The following UTRN variants were observed in gnomAD, a reference collection of about 807,000 sequenced individuals.
UTRN encodes the protein utrophin.
UTRN carries 283 observed loss-of-function variants against 463.9 expected under a neutral mutation model. That is an observed-to-expected ratio of 0.61 (90% CI 0.55 to 0.67). The LOEUF (loss-of-function observed/expected upper bound fraction) is 0.67. Among genes scored for constraint, UTRN ranks in the 30% least tolerant of loss-of-function variants. The pLI is 0.00. For missense variants in UTRN, 3,922 were observed against 4,084.3 expected (o/e 0.96, Z 1.08); for synonymous variants, 1,442 against 1,431.5 (o/e 1.01, Z -0.17).
intron 51 of UTRN, among the ~76,000 whole-genome samples, chr6:144,611,058 G>T (rs1198069923): frequency 6.6e-6 from 1 of 152,106 alleles, no homozygotes; most frequent in Non-Finnish European, 1.5e-5. Flanking sequence ...CCCAACATAT[G>T]CAAATCAATA....
At chr6:144,635,406 C>T (rs559646619) in intron 51 of UTRN, among the ~76,000 whole-genome samples, 2 of 151,954 alleles carry the variant, frequency 1.3e-5, no homozygotes, top group African/African-American at 4.8e-5. Context: ...CCACCTTGGC[C>T]TCCCAAAGTG....
rs1407560890 is a variant in UTRN, at chr6:144,585,246, A to T, written c.7479+7958A>T. 2.0e-5 allele frequency among the ~76,000 whole-genome samples: 3 copies of T among 152,146 alleles called. No homozygotes were observed. In the East Asian group the frequency reaches 5.8e-4, roughly 29 times the overall value. On this transcript the variant is annotated intron_variant, in intron 51 of 74. Coordinates refer to ENST00000367545, the MANE Select transcript of UTRN (RefSeq NM_007124.3). ...TCTTGATTTATAATTTCCTAAAGAT[A>T]CCATGAAAATTTAAATGTTTAGAAT...
rs1781510639 is a variant in UTRN, at chr6:144,840,846, A to T, written c.10270+14A>T. ...CATCTTGCTGCCGTGAGTATGAAAG[A>T]TTGCAGCACCACAGCTGCACGTGTT... On this transcript the variant is annotated intron_variant, in intron 73 of 74. Transcript: ENST00000367545. 1.9e-6 allele frequency: 3 copies of T among 1,613,512 alleles called. No individual in the cohort carries two copies. The highest frequency in any genetic ancestry group is 2.5e-6 in the Non-Finnish European group (3 of 1,179,866).
chr6:144,827,674 A>C lies in UTRN; in HGVS notation c.9597A>C (p.Thr3199=), dbSNP rs748632764. 4 of 1,613,478 alleles carry C rather than the reference A, an allele frequency of 2.5e-6. No homozygotes were observed. The African/African-American group carries it at 5.3e-5, about 22-fold the overall frequency. ...DTHSRIEQYA[T]RLAQMERTNG... The stretch of plus-strand genomic sequence containing the variant: ...ATTCAAGAATAGAACAATATGCCAC[A>C]CGGTAAGAAACTTTGATCAGAGCCC... Residue 3199 remains threonine (T), a splice_region_variant and synonymous_variant, in exon 68 of 75, where the codon ACA becomes ACC. Transcript: ENST00000367545.
chr6:144,784,975 T>C (rs911406690), intron 61 of UTRN, among the ~76,000 whole-genome samples: 2 of 152,218 alleles, frequency 1.3e-5, no homozygotes, highest in African/African-American at 4.8e-5. Flanking sequence ...GATTAATCTA[T>C]GGAAAAAACA....
chr6:144,827,305 G>A, intron 66 of UTRN, 43 bp from the exon 67 acceptor site: 1 of 1,610,824 alleles, frequency 6.2e-7, no homozygotes, highest in Non-Finnish European at 8.5e-7. Context: ...TTGCTCTAAA[G>A]TGTTTGTTCT....
chr6:144,286,796 A>G lies in UTRN; in HGVS notation c.-93+975A>G, dbSNP rs1198604460. ...CCTCCGAGAGAGCTGTGGGACCAGC[A>G]CTTTATTTTACAAGGAACTGCAGAG... On this transcript the variant is annotated intron_variant, in intron 1 of 74. Coordinates refer to ENST00000367545, the MANE Select transcript of UTRN (RefSeq NM_007124.3). This position sits in a 1 kb window ranked among gnomAD's most constrained non-coding sequence, Gnocchi z 4.4. Among the ~76,000 whole-genome samples the G allele has an allele frequency of 2.0e-5, 3 of 151,430 alleles. No homozygotes were observed. The highest frequency in any genetic ancestry group is 2.9e-5 in the Non-Finnish European group (2 of 67,934).
At chr6:144,365,209 T>C (rs1207288738) in intron 2 of UTRN, among the ~76,000 whole-genome samples, 5 of 152,222 alleles carry the variant, frequency 3.3e-5, no homozygotes, top group Admixed American at 2.0e-4. Context: ...TCATTCCTGC[T>C]TTCTCCTGAA....
intron 58 of UTRN, among the ~76,000 whole-genome samples, chr6:144,761,811 T>C (rs913319647): frequency 1.3e-5 from 2 of 152,154 alleles, no homozygotes; most frequent in Non-Finnish European, 2.9e-5. Flanking sequence ...TTTCCTCAGA[T>C]AAAAGTCAAC....
intron 51 of UTRN, among the ~76,000 whole-genome samples, chr6:144,609,066 T>C (rs542344446): frequency 6.6e-6 from 1 of 152,292 alleles, no homozygotes; most frequent in Admixed American, 6.5e-5. Context: ...GATTAAATTC[T>C]TCAATAAAAT....
intron 9 of UTRN, among the ~76,000 whole-genome samples, chr6:144,434,312 C>G (rs7745167): frequency 4.0e-4 from 51 of 128,400 alleles, no homozygotes; most frequent in East Asian, 2.8e-3. Context: ...AGCTTCGGCT[C>G]GGCATCAGAG....
intron 3 of UTRN, among the ~76,000 whole-genome samples, chr6:144,420,720 A>G (rs1784760968): frequency 1.3e-5 from 2 of 152,206 alleles, no homozygotes; most frequent in Admixed American, 1.3e-4. Context: ...AGAAATACAG[A>G]CTGAACACCT....
rs551473055 is a variant in UTRN, at chr6:144,364,267, C to G, written c.80-38856C>G. ...GAGTCTCCCTCTTGTTGGGTCTGTG[C>G]TATTGGTTTGTTGATTAGGAACTCA... On this transcript the variant is annotated intron_variant, in intron 2 of 74. Coordinates refer to ENST00000367545, the MANE Select transcript of UTRN (RefSeq NM_007124.3). 1.2e-4 allele frequency among the ~76,000 whole-genome samples: 19 copies of G among 152,298 alleles called. 1 individual carries two copies. In the East Asian group the frequency reaches 2.1e-3, roughly 17 times the overall value.
intron 6 of UTRN, among the ~76,000 whole-genome samples, 186 bp downstream of exon 6, chr6:144,424,264 G>A (rs1785101262): frequency 6.6e-6 from 1 of 152,148 alleles, no homozygotes; most frequent in Non-Finnish European, 1.5e-5. Flanking sequence ...TTTTCCTGAG[G>A]GCTCTGAGGG....
chr6:144,424,780 C>A (rs1192945446), intron 6 of UTRN, among the ~76,000 whole-genome samples: 1 of 152,166 alleles, frequency 6.6e-6, no homozygotes, highest in African/African-American at 2.4e-5. Context: ...TTTGTACTCT[C>A]TCTCAGTCTG....
intron 2 of UTRN, among the ~76,000 whole-genome samples, chr6:144,339,948 G>A (rs1777017910): frequency 1.3e-5 from 2 of 152,170 alleles, no homozygotes; most frequent in Non-Finnish European, 2.9e-5. Flanking sequence ...TGGACAGATC[G>A]CTTGAGGTCA....
rs1215009054 is a variant in UTRN at position 144,733,834 on chromosome 6, C to T, written c.7939+3348C>T. Among the ~76,000 whole-genome samples the T allele has an allele frequency of 2.6e-4, 40 of 152,122 alleles. 1 individual carries two copies. Among genetic ancestry groups the T allele is most frequent in the Admixed American group, 2.6e-3 (40 of 15,278 alleles). ...AAAATGAACTGCTCAGGTCTCAGCC[C>T]AGTCCTGTTGGATATCTAACATATG... On this transcript the variant is annotated intron_variant, in intron 54 of 74. Transcript: ENST00000367545.
At chr6:144,613,442 A>G (rs1483546930) in intron 51 of UTRN, among the ~76,000 whole-genome samples, 21 of 152,120 alleles carry the variant, frequency 1.4e-4, no homozygotes, top group Admixed American at 1.2e-3. Context: ...TTGATTGATC[A>G]TGCCGTGTTG....
intron 34 of UTRN, among the ~76,000 whole-genome samples, chr6:144,510,093 C>T (rs1795049311): frequency 6.6e-6 from 1 of 152,042 alleles, no homozygotes; most frequent in Admixed American, 6.6e-5. Flanking sequence ...GTATGCTTTC[C>T]AAGGTGTGAT....
Sources: gnomAD v4.1 joint callset for allele counts (sites outside exome capture counted in the v4.1 genomes callset) on GRCh38, gnomAD v4.1.1 for gene constraint, Gnocchi (gnomAD v3.1) non-coding constraint, MANE v1.5 for transcripts, NCBI Gene and HGNC (gene_info 2026-07-23, HGNC 2026-07-21) for gene names.